TAFA1: variants seen among roughly 807,000 people sequenced by gnomAD.
The protein encoded by TAFA1 is TAFA chemokine like family member 1, also known as chemokine-like protein TAFA-1.
Under a neutral mutation model 18.5 loss-of-function variants are expected in TAFA1, and 4 were observed. The observed-to-expected ratio is 0.22, with a 90% CI of 0.11 to 0.49. The LOEUF is 0.49. TAFA1 is among the 20% of genes least tolerant of loss of function. The probability of loss-of-function intolerance (pLI) is 0.98; values close to 1 mark genes in which losing one functional copy is unlikely to be tolerated. For missense variants in TAFA1, 147 were observed against 169.0 expected (o/e 0.87, Z 0.72); for synonymous variants, 56 against 55.2 (o/e 1.01, Z -0.06).
At position 68,011,783 on chromosome 3, in the gene TAFA1, G is replaced by A. The variant is rs1019553964; in HGVS notation, c.118+5039G>A. Among the ~76,000 whole-genome samples, 16 of 152,254 alleles carry A rather than the reference G, an allele frequency of 1.1e-4. No homozygotes were observed. The South Asian group carries it at 1.7e-3, about 16-fold the overall frequency. ...AGCTGGTGCTTAGTGATAATCCATC[G>A]ATCATCTGATTGATCCTATTGACCT... is the stretch of plus-strand genomic sequence containing the variant. On this transcript the variant is annotated intron_variant, in intron 2 of 4. Coordinates refer to ENST00000478136, the MANE Select transcript of TAFA1 (RefSeq NM_213609.4).
intron 3 of TAFA1, among the ~76,000 whole-genome samples, chr3:68,444,003 G>T (rs542424148): frequency 1.3e-5 from 2 of 152,280 alleles, no homozygotes; most frequent in East Asian, 3.9e-4. Flanking sequence ...ATCCTGCCAG[G>T]CAGGCATTGT....
chr3:68,279,298 C>A (rs951158797), intron 2 of TAFA1, among the ~76,000 whole-genome samples: 7 of 152,102 alleles, frequency 4.6e-5, no homozygotes, highest in African/African-American at 1.7e-4. Context: ...GGAATCTATT[C>A]TTTATACAGT....
chr3:68,406,411 G>A (rs1041659271), intron 2 of TAFA1, among the ~76,000 whole-genome samples: 1 of 152,096 alleles, frequency 6.6e-6, no homozygotes, highest in Non-Finnish European at 1.5e-5. Flanking sequence ...TAGAATGAAC[G>A]TAAACATAGC....
chr3:68,349,943 C>A (rs1207094464), intron 2 of TAFA1, among the ~76,000 whole-genome samples: 1 of 152,048 alleles, frequency 6.6e-6, no homozygotes, highest in African/African-American at 2.4e-5. Flanking sequence ...TATGGTTTGC[C>A]ACAGTCCCCA....
intron 2 of TAFA1, among the ~76,000 whole-genome samples, chr3:68,371,287 G>A (rs2069701767): frequency 6.6e-6 from 1 of 151,960 alleles, no homozygotes; most frequent in Non-Finnish European, 1.5e-5. Flanking sequence ...ATATACATGT[G>A]TCGTGGTGGT....
chr3:68,149,918 G>T (rs2106918961), intron 2 of TAFA1, among the ~76,000 whole-genome samples: 1 of 152,244 alleles, frequency 6.6e-6, no homozygotes, highest in African/African-American at 2.4e-5. Flanking sequence ...GCTGGGGGCT[G>T]GGTTGTCTGC....
intron 2 of TAFA1, among the ~76,000 whole-genome samples, chr3:68,275,029 A>G (rs1304083298): frequency 1.3e-5 from 2 of 152,108 alleles, no homozygotes; most frequent in Non-Finnish European, 2.9e-5. Flanking sequence ...GATAAGTTAT[A>G]TTACATGTTG....
At chr3:68,266,373 A>C (rs1201802970) in intron 2 of TAFA1, among the ~76,000 whole-genome samples, 1 of 152,164 alleles carries the variant, frequency 6.6e-6, no homozygotes, top group Admixed American at 6.6e-5. Flanking sequence ...TTTTATACGA[A>C]ACATAACTGC....
intron 2 of TAFA1, among the ~76,000 whole-genome samples, chr3:68,090,737 C>A (rs1266983367): frequency 1.3e-5 from 2 of 152,094 alleles, no homozygotes; most frequent in Non-Finnish European, 2.9e-5. Flanking sequence ...GGCTGGATGC[C>A]TTTTACTTGG....
At chr3:68,037,889 G>A (rs1339216184) in intron 2 of TAFA1, among the ~76,000 whole-genome samples, 1 of 152,088 alleles carries the variant, frequency 6.6e-6, no homozygotes, top group East Asian at 1.9e-4. Context: ...TATGCAAGTG[G>A]GAATGCAATC....
chr3:68,290,510 G>T (rs529286422), intron 2 of TAFA1, among the ~76,000 whole-genome samples: 1 of 152,172 alleles, frequency 6.6e-6, no homozygotes, highest in African/African-American at 2.4e-5. Context: ...TAATGAAATT[G>T]TCCCCTTTGA....
chr3:68,405,726 A>C (rs1276764783), intron 2 of TAFA1, among the ~76,000 whole-genome samples: 1 of 143,042 alleles, frequency 7.0e-6, no homozygotes, highest in African/African-American at 2.6e-5. Context: ...AAAAAAAAAA[A>C]AAAAAAAAAA....
intron 2 of TAFA1, among the ~76,000 whole-genome samples, chr3:68,088,534 C>T (rs958920923): frequency 2.0e-5 from 3 of 152,166 alleles, no homozygotes; most frequent in African/African-American, 7.2e-5. Context: ...AATGAGAGCA[C>T]AGTGCTGGAT....
intron 3 of TAFA1, among the ~76,000 whole-genome samples, chr3:68,523,076 CA>C (rs112026876): frequency 0.4 from 45,711 of 114,016 alleles, 7,455 homozygotes; most frequent in South Asian, 0.53. Context: ...GACTCCGTCT[CA>C]AAAAATAAAT....
intron 2 of TAFA1, among the ~76,000 whole-genome samples, chr3:68,105,267 A>G (rs751820795): frequency 2.0e-5 from 3 of 152,168 alleles, no homozygotes; most frequent in Non-Finnish European, 4.4e-5. Context: ...CATTCAAAAT[A>G]TATCAGTATC....
intron 3 of TAFA1, among the ~76,000 whole-genome samples, chr3:68,432,364 A>T (rs1381961036): frequency 6.6e-6 from 1 of 152,032 alleles, no homozygotes; most frequent in Non-Finnish European, 1.5e-5. Context: ...ATAAACCACA[A>T]ATGCGTAATC....
intron 2 of TAFA1, among the ~76,000 whole-genome samples, chr3:68,026,648 A>T (rs1704823013): frequency 6.6e-6 from 1 of 152,122 alleles, no homozygotes; most frequent in Admixed American, 6.5e-5. Context: ...TAGAAACTCA[A>T]AGTAAATTTC....
At chr3:68,503,444 G>A (rs886831001) in intron 3 of TAFA1, among the ~76,000 whole-genome samples, 2 of 152,138 alleles carry the variant, frequency 1.3e-5, no homozygotes, top group African/African-American at 4.8e-5. Context: ...GCCACATATT[G>A]TATGATTCCA....
rs1413485581 is a variant in TAFA1, at chr3:68,530,261, G to C, written c.260-8495G>C. On this transcript the variant is annotated intron_variant, in intron 3 of 4. Transcript: ENST00000478136. ...CATTGCTTATTAGTATCTTGCTATA[G>C]TTCCATGGCAAAATGCCTCATGAGT... 2.6e-5 allele frequency among the ~76,000 whole-genome samples: 4 copies of C among 152,152 alleles called. No homozygotes were observed. The East Asian group carries it at 5.8e-4, about 22-fold the overall frequency.
Sources: allele counts gnomAD v4.1 joint callset (sites outside exome capture counted in the v4.1 genomes callset), GRCh38; gene constraint gnomAD v4.1.1; transcripts MANE v1.5; gene names NCBI Gene and HGNC (gene_info 2026-07-23, HGNC 2026-07-21).